The following GRIA4 variants were observed in gnomAD, a reference collection of about 807,000 sequenced individuals.
GRIA4 encodes the protein glutamate ionotropic receptor AMPA type subunit 4.
GRIA4 carries 34 observed loss-of-function variants against 104.0 expected under a neutral mutation model. That is an observed-to-expected ratio of 0.33 (90% CI 0.25 to 0.44). The LOEUF (loss-of-function observed/expected upper bound fraction) is 0.44, where lower values mean the gene tolerates loss of function less well. GRIA4 is among the 20% of genes least tolerant of loss of function. GRIA4 has a pLI of 1.00. For synonymous variants in GRIA4, 386 were observed against 381.9 expected (o/e 1.01, Z -0.13); for missense variants, 750 against 1,096.5 (o/e 0.68, Z 4.46).
At chr11:105,627,243 G>A (rs983633116) in intron 3 of GRIA4, among the ~76,000 whole-genome samples, 4 of 152,128 alleles carry the variant, frequency 2.6e-5, no homozygotes, top group Non-Finnish European at 4.4e-5. Flanking sequence ...AAGGTGTATG[G>A]ATGACATTGG....
intron 3 of GRIA4, among the ~76,000 whole-genome samples, chr11:105,710,539 T>C (rs1449569653): frequency 5.9e-5 from 9 of 152,286 alleles, no homozygotes; most frequent in Non-Finnish European, 1.3e-4. Flanking sequence ...AGATGTGAAA[T>C]GTTAGGCATA....
Position 105,964,797 on chromosome 11 carries a change from T to G in GRIA4, c.2295-7117T>G, listed in dbSNP as rs200273706. Reference sequence around the variant, plus strand: ...AGCCCATGACATGTTTTTTTTTGTTTTTTTTTTGTTTGTTTGTTTTTGTTT... The same window carrying G: ...AGCCCATGACATGTTTTTTTTTGTTGTTTTTTTGTTTGTTTGTTTTTGTTT... On this transcript the variant is annotated intron_variant, in intron 14 of 16. Transcript: ENST00000282499. 2.3e-4 allele frequency among the ~76,000 whole-genome samples: 34 copies of G among 149,492 alleles called. No individual in the cohort carries two copies. The East Asian group carries it at 4.1e-3, about 18-fold the overall frequency.
At chr11:105,816,777 C>T (rs7948356) in intron 4 of GRIA4, among the ~76,000 whole-genome samples, 2,844 of 152,008 alleles carry the variant, frequency 0.019, 77 homozygotes, top group African/African-American at 0.064. Context: ...GTTGGGAGGC[C>T]GAAGCAGGAG....
intron 3 of GRIA4, among the ~76,000 whole-genome samples, chr11:105,718,121 C>A (rs1405999182): frequency 6.6e-6 from 1 of 152,066 alleles, no homozygotes; most frequent in Non-Finnish European, 1.5e-5. Flanking sequence ...TACTATGGCT[C>A]ACCTCAAACA....
chr11:105,944,040 A>T lies in GRIA4; in HGVS notation c.2294+10071A>T, dbSNP rs1454697688. ...ATATTATAGTTGGAGGAATTATATC[A>T]TGCCATATTTATATCATCCAACTTT... On this transcript the variant is annotated intron_variant, in intron 14 of 16. Transcript: ENST00000282499. 2.6e-5 allele frequency among the ~76,000 whole-genome samples: 4 copies of T among 152,332 alleles called. No individual in the cohort carries two copies. The East Asian group carries it at 5.8e-4, about 22-fold the overall frequency.
chr11:105,860,815 C>G (rs1398612492), intron 4 of GRIA4, among the ~76,000 whole-genome samples: 1 of 151,656 alleles, frequency 6.6e-6, no homozygotes, highest in African/African-American at 2.4e-5. Context: ...AAAAATCAGC[C>G]AGGTATGGTG....
rs528214799 is a variant in GRIA4, at chr11:105,794,475, A to G, written c.487+41255A>G. Among the ~76,000 whole-genome samples the G allele has an allele frequency of 2.1e-3, 127 of 61,276 alleles. 4 individuals carry two copies. The highest frequency in any genetic ancestry group is 7.0e-3 in the African/African-American group (89 of 12,752). 40.2% of individuals were successfully genotyped at this position (61,276 alleles called of 152,430 possible). A position where few individuals can be genotyped will look rare whatever the true frequency, so the allele number is the denominator to read the frequency against. ...TGTCTGTGTGTGTGTATATGTATGT[A>G]TATATATATATATATATATATATAT... On this transcript the variant is annotated intron_variant, in intron 4 of 16. Transcript: ENST00000282499.
intron 4 of GRIA4, among the ~76,000 whole-genome samples, chr11:105,813,243 G>A (rs1410910948): frequency 1.3e-5 from 2 of 151,776 alleles, no homozygotes; most frequent in Non-Finnish European, 2.9e-5. Context: ...GGGGAAGGAA[G>A]AGGAATCATA....
intron 14 of GRIA4, among the ~76,000 whole-genome samples, chr11:105,950,149 C>A (rs1214009090): frequency 1.3e-5 from 2 of 152,118 alleles, no homozygotes; most frequent in Non-Finnish European, 2.9e-5. Context: ...AGATTTTTGA[C>A]AAGGCATTCT....
intron 3 of GRIA4, among the ~76,000 whole-genome samples, chr11:105,673,245 T>A: frequency 6.6e-6 from 1 of 152,054 alleles, no homozygotes; most frequent in East Asian, 1.9e-4. Flanking sequence ...ACATCCTAAG[T>A]TTGTGGAAGG....
chr11:105,802,426 A>C (rs1942760698), intron 4 of GRIA4, among the ~76,000 whole-genome samples: 1 of 152,152 alleles, frequency 6.6e-6, no homozygotes, highest in Non-Finnish European at 1.5e-5. Context: ...TAAAATCCAA[A>C]CACTTGATTA....
At chr11:105,787,680 T>TC (rs1942032973) in intron 4 of GRIA4, among the ~76,000 whole-genome samples, 1 of 42 alleles carries the variant, frequency 0.024, no homozygotes, top group Non-Finnish European at 0.05. Context: ...TTTCACCATG[T>TC]TGCCAGGCTG....
At chr11:105,693,167 T>TA (rs1682702575) in intron 3 of GRIA4, among the ~76,000 whole-genome samples, 1 of 152,166 alleles carries the variant, frequency 6.6e-6, no homozygotes, top group African/African-American at 2.4e-5. Flanking sequence ...CCATCATTAA[T>TA]AAAAAAGAAA....
chr11:105,981,020 C>T lies in GRIA4; in HGVS notation c.*1281C>T, dbSNP rs1591510251. On this transcript the variant is annotated 3_prime_UTR_variant, in exon 17 of 17. Coordinates refer to ENST00000282499, the MANE Select transcript of GRIA4 (RefSeq NM_000829.4). ...ATTATGTGTCTCTTGGGCTTCTTCC[C>T]TTATTCCTATTGTTCCCTTTAAATC... The T allele has an allele frequency of 6.6e-6, 1 of 152,576 alleles. No individual in the cohort carries two copies. 9.5% of individuals were successfully genotyped at this position (152,576 alleles called of 1,614,324 possible). A position where few individuals can be genotyped will look rare whatever the true frequency, so the allele number is the denominator to read the frequency against.
At chr11:105,931,302 A>ACC (rs1555051277) in intron 13 of GRIA4, among the ~76,000 whole-genome samples, 1 of 148,410 alleles carries the variant, frequency 6.7e-6, no homozygotes, top group Non-Finnish European at 1.5e-5. Flanking sequence ...ACACACACAC[A>ACC]CCAATCTTCA....
At chr11:105,756,062 T>C (rs1419537153) in intron 4 of GRIA4, among the ~76,000 whole-genome samples, 2 of 152,162 alleles carry the variant, frequency 1.3e-5, no homozygotes, top group East Asian at 1.9e-4. Flanking sequence ...TAAATCTCTC[T>C]TTATGTATCT....
intron 3 of GRIA4, among the ~76,000 whole-genome samples, chr11:105,746,981 G>T (rs1269384363): frequency 6.6e-6 from 1 of 152,108 alleles, no homozygotes; most frequent in African/African-American, 2.4e-5. Flanking sequence ...CTGTTCCCTG[G>T]CTCAAAGAGT....
chr11:105,854,966 T>C (rs1174645477), intron 4 of GRIA4, among the ~76,000 whole-genome samples: 1 of 152,232 alleles, frequency 6.6e-6, no homozygotes, highest in African/African-American at 2.4e-5. Context: ...TTCACAGGGC[T>C]GTTATGAGGT....
In GRIA4 at chr11:105,610,980, G is replaced by A; in HGVS notation, c.-18G>A. ...AGAGAAAGAGAGAGAGCGCGCGCCA[G>A]GGAGAGGAGAAAAGAAGATGAGGAT... On this transcript the variant is annotated 5_prime_UTR_variant, in exon 2 of 17. Coordinates refer to ENST00000282499, the MANE Select transcript of GRIA4 (RefSeq NM_000829.4). 6.4e-7 allele frequency: 1 copy of A among 1,559,596 alleles called. No homozygotes were observed.
Sources: allele counts gnomAD v4.1 joint callset (sites outside exome capture counted in the v4.1 genomes callset), GRCh38; gene constraint gnomAD v4.1.1; transcripts MANE v1.5; gene names NCBI Gene and HGNC (gene_info 2026-07-23, HGNC 2026-07-21).